NXPE2: variants seen among roughly 807,000 people sequenced by gnomAD.
NXPE2 encodes NXPE family member 2.
Under a neutral mutation model 34.4 loss-of-function variants are expected in NXPE2, and 34 were observed. The ratio of observed to expected loss-of-function variants is 0.99; its 90% CI spans 0.75 to 1.31. The LOEUF (loss-of-function observed/expected upper bound fraction) is 1.31, where lower values mean the gene tolerates loss of function less well. NXPE2 is among the 40% of genes most tolerant of loss of function. NXPE2 has a pLI of 0.00. For synonymous variants in NXPE2, 235 were observed against 231.3 expected, an observed-to-expected ratio of 1.02 and a Z score of -0.15; for missense variants, 649 against 672.5, an observed-to-expected ratio of 0.97 and a Z score of 0.39.
At chr11:114,654,863 A>G in the NXPE2 span, among the ~76,000 whole-genome samples, 1 of 152,136 alleles carries the variant, frequency 6.6e-6, no homozygotes, top group Non-Finnish European at 1.5e-5. Context: ...GTCAAATGGT[A>G]TTTCTGGTTC....
the NXPE2 span, among the ~76,000 whole-genome samples, chr11:114,586,161 C>T: frequency 6.6e-6 from 1 of 152,178 alleles, no homozygotes; most frequent in African/African-American, 2.4e-5. Flanking sequence ...TCCTGCACTT[C>T]ACTGTGGACC....
chr11:114,737,675 C>T, the NXPE2 span, among the ~76,000 whole-genome samples: 1 of 152,130 alleles, frequency 6.6e-6, no homozygotes, highest in Non-Finnish European at 1.5e-5. Flanking sequence ...GAGCAGTGAA[C>T]TGGGACACAA....
chr11:114,798,463 A>T, the NXPE2 span, among the ~76,000 whole-genome samples: 1 of 152,060 alleles, frequency 6.6e-6, no homozygotes, highest in Non-Finnish European at 1.5e-5. Flanking sequence ...AGCTCACTGC[A>T]ATCTCTGCCT....
At chr11:114,605,043 C>A in the NXPE2 span, among the ~76,000 whole-genome samples, 1 of 145,980 alleles carries the variant, frequency 6.9e-6, no homozygotes, top group African/African-American at 2.5e-5. Flanking sequence ...ATAATAAGTA[C>A]TGCCTCGTGG....
the NXPE2 span, among the ~76,000 whole-genome samples, chr11:114,798,890 C>G: frequency 6.6e-6 from 1 of 152,184 alleles, no homozygotes; most frequent in Non-Finnish European, 1.5e-5. Context: ...GTCTGCACCT[C>G]CTGGCTGCCC....
chr11:114,746,829 C>T, the NXPE2 span, among the ~76,000 whole-genome samples: 15 of 143,190 alleles, frequency 1.0e-4, no homozygotes, highest in African/African-American at 5.2e-5. Flanking sequence ...CCAGCCTGGG[C>T]AATAGAGTAA....
At chr11:114,810,357 A>T in the NXPE2 span, among the ~76,000 whole-genome samples, 1 of 135,186 alleles carries the variant, frequency 7.4e-6, no homozygotes, top group East Asian at 2.2e-4. Flanking sequence ...TAATTAAACT[A>T]AAGAGCTTCT....
the NXPE2 span, among the ~76,000 whole-genome samples, chr11:114,724,265 G>T: frequency 1.3e-5 from 2 of 152,228 alleles, no homozygotes; most frequent in African/African-American, 2.4e-5. Context: ...GCCACCTGCT[G>T]CTATCACAGT....
the NXPE2 span, among the ~76,000 whole-genome samples, chr11:114,730,219 T>G: frequency 2.0e-5 from 3 of 152,150 alleles, no homozygotes; most frequent in African/African-American, 7.2e-5. Context: ...TGTAGGAGTA[T>G]GCCTTTATTT....
chr11:114,792,908 G>T, the NXPE2 span, among the ~76,000 whole-genome samples: 6 of 152,176 alleles, frequency 3.9e-5, no homozygotes, highest in Admixed American at 6.5e-5. Flanking sequence ...CCACTACCCT[G>T]CATTGACACC....
chr11:114,770,860 C>A, the NXPE2 span, among the ~76,000 whole-genome samples: 2 of 152,052 alleles, frequency 1.3e-5, no homozygotes, highest in African/African-American at 4.8e-5. Context: ...TCTTTGGCAT[C>A]AGAAAAAAAT....
At chr11:114,617,916 C>T in the NXPE2 span, among the ~76,000 whole-genome samples, 16 of 151,994 alleles carry the variant, frequency 1.1e-4, no homozygotes, top group African/African-American at 3.9e-4. Context: ...TCATGGGTAA[C>T]CACTGTAATC....
the NXPE2 span, among the ~76,000 whole-genome samples, chr11:114,465,665 T>C: frequency 6.6e-6 from 1 of 152,178 alleles, no homozygotes; most frequent in Non-Finnish European, 1.5e-5. Context: ...ACATGTGTTT[T>C]ATTTCCATAG....
chr11:114,626,151 G>T, the NXPE2 span, among the ~76,000 whole-genome samples: 2 of 152,186 alleles, frequency 1.3e-5, no homozygotes, highest in South Asian at 2.1e-4. Flanking sequence ...CAGCCGGGAA[G>T]CTCGAACTGG....
chr11:114,632,050 A>C, the NXPE2 span, among the ~76,000 whole-genome samples: 2 of 143,330 alleles, frequency 1.4e-5, no homozygotes, highest in African/African-American at 5.1e-5. Context: ...TATATAATTT[A>C]ATAATATGTA....
chr11:114,735,377 CTAA>C, the NXPE2 span, among the ~76,000 whole-genome samples: 1 of 152,016 alleles, frequency 6.6e-6, no homozygotes, highest in Admixed American at 6.6e-5. Context: ...TATATCTTAT[CTAA>C]GAATTTTTCT....
the NXPE2 span, among the ~76,000 whole-genome samples, chr11:114,632,802 A>ATAT: frequency 1.6e-4 from 1 of 6,448 alleles, no homozygotes; most frequent in Admixed American, 3.0e-3. Flanking sequence ...AATTATATAT[A>ATAT]ATTATATATT....
chr11:114,786,426 C>T, the NXPE2 span, among the ~76,000 whole-genome samples: 1 of 144,972 alleles, frequency 6.9e-6, no homozygotes, highest in African/African-American at 2.5e-5. Flanking sequence ...TTAGGTCTGG[C>T]AAAAATGAGG....
the NXPE2 span, among the ~76,000 whole-genome samples, chr11:114,614,428 A>G: frequency 1.3e-5 from 2 of 151,918 alleles, no homozygotes; most frequent in Non-Finnish European, 2.9e-5. Context: ...GTGGATAATA[A>G]GTATTGCCTC....
Sources: allele counts gnomAD v4.1 joint callset (sites outside exome capture counted in the v4.1 genomes callset), GRCh38; gene constraint gnomAD v4.1.1; transcripts MANE v1.5; gene names NCBI Gene and HGNC (gene_info 2026-07-23, HGNC 2026-07-21).